F5: variants seen among roughly 807,000 people sequenced by gnomAD.
F5 encodes the protein activated protein c cofactor.
Under a neutral mutation model 216.4 loss-of-function variants are expected in F5, and 138 were observed. The observed-to-expected ratio is 0.64, with a 90% CI of 0.56 to 0.73. The LOEUF (loss-of-function observed/expected upper bound fraction) is 0.73, where lower values mean the gene tolerates loss of function less well. F5 is among the 30% of genes least tolerant of loss of function. The pLI is 0.00. For missense variants in F5, 2,403 were observed against 2,674.0 expected (o/e 0.90, Z 2.24); for synonymous variants, 916 against 930.7 (o/e 0.98, Z 0.29).
rs1225284728 is a variant in F5 at position 169,514,287 on chromosome 1, T to G, written c.*26A>C. On this transcript the variant is annotated 3_prime_UTR_variant, in exon 25 of 25. Coordinates refer to ENST00000367797, the MANE Select transcript of F5 (RefSeq NM_000130.5). Reference sequence around the variant, plus strand: ...ATGGTTTGAGGTCTTAAAGAGTCTCTTCCAGGGGTTTTTGAATGTTCAATT... The same window carrying G: ...ATGGTTTGAGGTCTTAAAGAGTCTCGTCCAGGGGTTTTTGAATGTTCAATT... 1 of 1,612,094 alleles carries G rather than the reference T, an allele frequency of 6.2e-7. No homozygotes were observed. Among genetic ancestry groups the G allele is most frequent in the African/African-American group, 1.3e-5 (1 of 74,842 alleles).
Position 169,559,188 on chromosome 1 carries a change from T to C in F5, c.695A>G (p.Tyr232Cys). 6.2e-7 allele frequency: 1 copy of C among 1,613,804 alleles called. No homozygotes were observed. Among genetic ancestry groups the C allele is most frequent in the Non-Finnish European group, 8.5e-7 (1 of 1,179,782 alleles). Reference sequence around the variant, plus strand: ...CCCATTCACATATCCATTGACTGTGTACATTAGGGATGATGACTGGCTCCA... The same window carrying C: ...CCCATTCACATATCCATTGACTGTGCACATTAGGGATGATGACTGGCTCCA... Reference protein sequence around the residue: ...KSWSQSSSLMYTVNGYVNGTM... With the variant: ...KSWSQSSSLMCTVNGYVNGTM... The change falls in exon 5 of 25, where the codon TAC becomes TGC. Residue 232 changes from tyrosine (Y) to cysteine (C), a missense_variant. Tyr to Cys is a radical substitution (Grantham distance 194). Transcript: ENST00000367797.
chr1:169,544,606 G>T, intron 11 of F5, 98 bp from the exon 12 acceptor site: 1 of 1,023,098 alleles, frequency 9.8e-7, no homozygotes, highest in Non-Finnish European at 1.5e-6. Flanking sequence ...TAATTTGGTT[G>T]TGTCAAAGCA....
chr1:169,582,583 C>A lies in F5; in HGVS notation c.159-61G>T. 4.5e-6 allele frequency: 4 copies of A among 892,666 alleles called. No homozygotes were observed. In the Admixed American group the frequency reaches 6.8e-5, roughly 15 times the overall value. The allele number at this position is 892,666 out of a possible 1,614,324, so 55.3% of individuals were successfully genotyped here. A position where few individuals can be genotyped will look rare whatever the true frequency, so the allele number is the denominator to read the frequency against. The stretch of plus-strand genomic sequence containing the variant: ...TATTCAATATCTATTTCTCACATTA[C>A]AAAAAAAGTAGATCTCTCATATCTT... On this transcript the variant is annotated intron_variant, in intron 1 of 24. Coordinates refer to ENST00000367797, the MANE Select transcript of F5 (RefSeq NM_000130.5).
In F5 at chr1:169,549,925, T is replaced by C. The variant is rs756863805; in HGVS notation, c.1487A>G (p.Asn496Ser). ...NILEFDEPTE[N>S]DAQCLTRPYY... ...TGGTCTTGTTAAGCACTGGGCATCA[T>C]TTTCTGTGGGTTCATCAAACTCTAA... The change falls in exon 10 of 25, where the codon AAT (asparagine) becomes AGT (serine). Residue 496 changes from asparagine to serine, a missense_variant. Transcript: ENST00000367797. The C allele has an allele frequency of 6.8e-6, 11 of 1,614,058 alleles. No individual in the cohort carries two copies. The highest frequency in any genetic ancestry group is 1.6e-4 in the Middle Eastern group (1 of 6,084).
chr1:169,554,390 CT>C (rs1360592330), intron 7 of F5, among the ~76,000 whole-genome samples: 2 of 152,170 alleles, frequency 1.3e-5, no homozygotes, highest in Non-Finnish European at 2.9e-5. Context: ...TTTGCATCCT[CT>C]TTTTTTGATG....
intron 14 of F5, among the ~76,000 whole-genome samples, chr1:169,531,866 T>C (rs1294878083): frequency 6.6e-6 from 1 of 152,058 alleles, no homozygotes; most frequent in African/African-American, 2.4e-5. Context: ...AGCATCACCC[T>C]AATAACAAAA....
At chr1:169,523,739 TA>T in intron 20 of F5, 61 bp downstream of exon 20, 2 of 1,373,776 alleles carry the variant, frequency 1.5e-6, no homozygotes, top group Non-Finnish European at 2.1e-6. Context: ...AAGGAATTAC[TA>T]AATCACTTTC....
chr1:169,582,103 G>A (rs555170096), intron 2 of F5, among the ~76,000 whole-genome samples: 2 of 152,278 alleles, frequency 1.3e-5, no homozygotes, highest in East Asian at 1.9e-4. Context: ...ACACTTATAA[G>A]TTTTATTTAG....
intron 14 of F5, among the ~76,000 whole-genome samples, chr1:169,534,950 A>G (rs1055007930): frequency 6.6e-6 from 1 of 152,146 alleles, no homozygotes; most frequent in South Asian, 2.1e-4. Context: ...CAAATACCAC[A>G]TGTTCTCACT....
Position 169,513,339 on chromosome 1 carries a change from T to C in F5, c.*974A>G, listed in dbSNP as rs1274657906. On this transcript the variant is annotated 3_prime_UTR_variant, in exon 25 of 25. Coordinates refer to ENST00000367797, the MANE Select transcript of F5 (RefSeq NM_000130.5). ...TGTCTATCTCATGTGATTTTAAGGA[T>C]GTCTAAAGGTTCCCCAGTTGTGCAA... Among the ~76,000 whole-genome samples, 1 of 151,994 alleles carries C rather than the reference T, an allele frequency of 6.6e-6. No individual in the cohort carries two copies. Among genetic ancestry groups the C allele is most frequent in the Non-Finnish European group, 1.5e-5 (1 of 67,978 alleles).
At chr1:169,574,193 G>A (rs1350820193) in intron 2 of F5, among the ~76,000 whole-genome samples, 1 of 152,074 alleles carries the variant, frequency 6.6e-6, no homozygotes, top group Non-Finnish European at 1.5e-5. Flanking sequence ...AGTAGTCCTG[G>A]AACCAATACC....
intron 19 of F5, 124 bp from the exon 20 acceptor site, chr1:169,524,028 G>A: frequency 1.2e-6 from 1 of 803,710 alleles, no homozygotes. Flanking sequence ...AGGAGTCTAG[G>A]CATGGGCCTC....
chr1:169,550,255 T>C (rs898442543), intron 9 of F5, among the ~76,000 whole-genome samples: 5 of 148,716 alleles, frequency 3.4e-5, no homozygotes, highest in Non-Finnish European at 4.5e-5. Flanking sequence ...ACATTAGGTA[T>C]ATCTCCTAAT....
intron 16 of F5, among the ~76,000 whole-genome samples, chr1:169,528,454 A>G (rs1659511863): frequency 6.6e-6 from 1 of 152,226 alleles, no homozygotes; most frequent in Non-Finnish European, 1.5e-5. Flanking sequence ...ATATGGGCAG[A>G]CAAAGTAAAC....
chr1:169,518,452 CG>C lies in F5; in HGVS notation c.6304del (p.Arg2102ValfsTer2), dbSNP rs760084344. 6 of 1,613,804 alleles carry C rather than the reference CG, an allele frequency of 3.7e-6. No homozygotes were observed. The highest frequency in any genetic ancestry group is 5.1e-6 in the Non-Finnish European group (6 of 1,179,812). Reference sequence around the variant, plus strand: ...ATTCACACGTCCCTGGGCATTCAGACGGGCACGGAAGGGTTCCCAGTAATCT... The same window carrying C: ...ATTCACACGTCCCTGGGCATTCAGACGGCACGGAAGGGTTCCCAGTAATCT... ...WGDYWEPFRA[R>X]LNAQGRVNAW... is the part of the protein sequence containing the mutation. On this transcript the variant is annotated frameshift_variant, in exon 23 of 25. Coordinates refer to ENST00000367797, the MANE Select transcript of F5 (RefSeq NM_000130.5). LOFTEE classifies it high-confidence loss of function.
chr1:169,537,929 A>G (rs1411711531), intron 13 of F5, among the ~76,000 whole-genome samples: 2 of 152,118 alleles, frequency 1.3e-5, no homozygotes, highest in Non-Finnish European at 2.9e-5. Context: ...GGTTCCTTTA[A>G]AAATTAAAAA....
chr1:169,570,423 T>C (rs1489883635), intron 3 of F5, among the ~76,000 whole-genome samples: 1 of 152,148 alleles, frequency 6.6e-6, no homozygotes, highest in Non-Finnish European at 1.5e-5. Context: ...AGAAGCCTCA[T>C]AAGTAGGTGA....
intron 3 of F5, among the ~76,000 whole-genome samples, chr1:169,568,528 C>T (rs992189176): frequency 6.6e-6 from 1 of 151,890 alleles, no homozygotes; most frequent in African/African-American, 2.4e-5. Context: ...GTGATTTTGA[C>T]TTTGTAATCA....
Position 169,546,581 on chromosome 1 carries a change from G to A in F5, c.1623C>T (p.Asp541=). The change falls in exon 11 of 25, where the codon GAC becomes GAT. Residue 541 remains aspartate, a synonymous_variant. Coordinates refer to ENST00000367797, the MANE Select transcript of F5 (RefSeq NM_000130.5). The part of the protein sequence containing the change: ...LDRRGIQRAA[D]IEQQAVFAVF... ...CAGCAAACACAGCCTGCTGTTCGAT[G>A]TCTGCTGCCCTCTGGAGGACAAAAC... 1 of 1,614,054 alleles carries A rather than the reference G, an allele frequency of 6.2e-7. No homozygotes were observed. The highest frequency in any genetic ancestry group is 8.5e-7 in the Non-Finnish European group (1 of 1,179,946).
Sources: allele counts gnomAD v4.1 joint callset (sites outside exome capture counted in the v4.1 genomes callset), GRCh38; gene constraint gnomAD v4.1.1; transcripts MANE v1.5; gene names NCBI Gene and HGNC (gene_info 2026-07-23, HGNC 2026-07-21).